DLG2: variants seen among roughly 807,000 people sequenced by gnomAD.
DLG2 encodes disks large homolog 2.
A neutral mutation model predicts 132.5 loss-of-function variants in DLG2; 45 were observed. That is an observed-to-expected ratio of 0.34 (90% CI 0.27 to 0.44). DLG2 has a LOEUF of 0.44. Ranked by LOEUF, DLG2 falls within the 20% of genes least tolerant of loss-of-function variation. DLG2 has a pLI of 1.00. For missense variants in DLG2, 1,045 were observed against 1,196.9 expected (o/e 0.87, Z 1.87); for synonymous variants, 424 against 419.6 (o/e 1.01, Z -0.13).
intron 6 of DLG2, among the ~76,000 whole-genome samples, chr11:84,775,592 A>G (rs1271295756): frequency 6.6e-6 from 1 of 152,200 alleles, no homozygotes; most frequent in Non-Finnish European, 1.5e-5. Context: ...GCAGCCATAA[A>G]AAAAGTGAAA....
chr11:85,079,341 G>A (rs2066941025), intron 6 of DLG2, among the ~76,000 whole-genome samples: 1 of 152,010 alleles, frequency 6.6e-6, no homozygotes, highest in African/African-American at 2.4e-5. Flanking sequence ...GTCACTTGGT[G>A]CCTGAATTCC....
chr11:85,541,166 T>C (rs1036573287), intron 3 of DLG2, among the ~76,000 whole-genome samples: 2 of 152,146 alleles, frequency 1.3e-5, no homozygotes, highest in Non-Finnish European at 2.9e-5. Context: ...GACTTTTAAC[T>C]TTACCCTGTG....
chr11:84,257,679 A>ATTTT lies in DLG2; in HGVS notation c.520-6392_520-6389dup, dbSNP rs1172548999. On this transcript the variant is annotated intron_variant, in intron 7 of 27. Coordinates refer to ENST00000376104, the MANE Select transcript of DLG2 (RefSeq NM_001142699.3). ...AACAGATTTCACCAGTTATCTCTGG[A>ATTTT]TTTTTTTTTTTTTTTTTTTTTTTTT... 7.6e-4 allele frequency among the ~76,000 whole-genome samples: 80 copies of ATTTT among 105,908 alleles called. 2 individuals are homozygous for ATTTT. The highest frequency in any genetic ancestry group is 2.6e-3 in the African/African-American group (71 of 27,080). 69.5% of individuals were successfully genotyped at this position (105,908 alleles called of 152,430 possible).
At chr11:83,649,219 C>T (rs1164772289) in intron 18 of DLG2, among the ~76,000 whole-genome samples, 4 of 152,030 alleles carry the variant, frequency 2.6e-5, no homozygotes, top group Admixed American at 1.3e-4. Flanking sequence ...TCAAAATCCA[C>T]TGTGAAGTGA....
chr11:83,878,527 C>T (rs1442156044), intron 15 of DLG2, among the ~76,000 whole-genome samples: 3 of 152,172 alleles, frequency 2.0e-5, no homozygotes, highest in Non-Finnish European at 4.4e-5. Flanking sequence ...TGAACTCCCA[C>T]TGAGTAACAC....
chr11:83,889,895 A>G (rs1043198449), intron 15 of DLG2, among the ~76,000 whole-genome samples: 37 of 142,442 alleles, frequency 2.6e-4, no homozygotes, highest in Non-Finnish European at 5.0e-4. Context: ...TCACTCATAG[A>G]TGGGAATTGA....
chr11:84,440,099 C>T (rs958626023), intron 7 of DLG2, among the ~76,000 whole-genome samples: 7 of 152,266 alleles, frequency 4.6e-5, no homozygotes, highest in Non-Finnish European at 7.4e-5. Flanking sequence ...TTATGTTGAA[C>T]CTTTAGTGAC....
At chr11:85,501,814 T>C (rs1026235984) in intron 3 of DLG2, among the ~76,000 whole-genome samples, 7 of 152,118 alleles carry the variant, frequency 4.6e-5, no homozygotes, top group African/African-American at 1.7e-4. Flanking sequence ...TTTTACATTG[T>C]TGGTGGGAGT....
At chr11:84,672,025 T>A (rs1027087474) in intron 6 of DLG2, among the ~76,000 whole-genome samples, 2 of 152,170 alleles carry the variant, frequency 1.3e-5, no homozygotes, top group Admixed American at 6.6e-5. Flanking sequence ...AGAACCTCAT[T>A]TGAACAGTCC....
intron 6 of DLG2, among the ~76,000 whole-genome samples, chr11:84,913,536 C>T (rs1431028215): frequency 6.6e-6 from 1 of 152,112 alleles, no homozygotes; most frequent in African/African-American, 2.4e-5. Context: ...TATTATGCAG[C>T]CACTTTAAAA....
intron 6 of DLG2, among the ~76,000 whole-genome samples, chr11:84,983,709 G>A (rs1344386700): frequency 6.6e-6 from 1 of 152,140 alleles, no homozygotes; most frequent in Non-Finnish European, 1.5e-5. Context: ...AGGCACCAGA[G>A]AAAGGCAAAG....
At chr11:85,352,920 G>A (rs1038405095) in intron 3 of DLG2, among the ~76,000 whole-genome samples, 17 of 152,260 alleles carry the variant, frequency 1.1e-4, no homozygotes, top group African/African-American at 4.1e-4. Flanking sequence ...TCAGGACATA[G>A]GCATGTGCAA....
chr11:84,291,775 T>C (rs1473461964), intron 7 of DLG2, among the ~76,000 whole-genome samples: 2 of 152,198 alleles, frequency 1.3e-5, no homozygotes, highest in Non-Finnish European at 2.9e-5. Context: ...ATCTGTAAAA[T>C]GGAACTAATA....
intron 16 of DLG2, among the ~76,000 whole-genome samples, chr11:83,867,437 G>A (rs1167598363): frequency 1.3e-5 from 2 of 151,900 alleles, no homozygotes; most frequent in African/African-American, 2.4e-5. Flanking sequence ...TTGAACTTTA[G>A]AGTCTGTGTG....
intron 3 of DLG2, among the ~76,000 whole-genome samples, chr11:85,466,614 C>G (rs140030418): frequency 1.3e-5 from 2 of 152,022 alleles, no homozygotes; most frequent in African/African-American, 4.8e-5. Context: ...AAGATCAGAT[C>G]GTTGTAGATA....
chr11:84,301,856 C>T (rs1028192454), intron 7 of DLG2, among the ~76,000 whole-genome samples: 1 of 151,786 alleles, frequency 6.6e-6, no homozygotes, highest in Non-Finnish European at 1.5e-5. Flanking sequence ...GGGTATATAC[C>T]CAAAGGATTA....
chr11:85,482,216 C>T (rs1304723554), intron 3 of DLG2, among the ~76,000 whole-genome samples: 1 of 152,180 alleles, frequency 6.6e-6, no homozygotes, highest in African/African-American at 2.4e-5. Flanking sequence ...ACCCATGGAC[C>T]TTGCCTCCAG....
chr11:83,884,504 C>T (rs1045690976), intron 15 of DLG2, among the ~76,000 whole-genome samples: 2 of 152,166 alleles, frequency 1.3e-5, no homozygotes, highest in Admixed American at 6.5e-5. Flanking sequence ...GTAGGATCCA[C>T]CTCTGGGGGC....
At chr11:84,097,925 C>T (rs77548901) in intron 10 of DLG2, among the ~76,000 whole-genome samples, 5,764 of 152,136 alleles carry the variant, frequency 0.038, 342 homozygotes, top group African/African-American at 0.13. Context: ...ACTCTTATTT[C>T]CCACAATTAA....
Sources: allele counts gnomAD v4.1 joint callset (sites outside exome capture counted in the v4.1 genomes callset), GRCh38; gene constraint gnomAD v4.1.1; transcripts MANE v1.5; gene names NCBI Gene and HGNC (gene_info 2026-07-23, HGNC 2026-07-21).